The following NBPF15 variants were observed in gnomAD, a reference collection of about 807,000 sequenced individuals.
NBPF15 encodes the protein NBPF member 15.
A neutral mutation model predicts 62.2 loss-of-function variants in NBPF15; 74 were observed. That is an observed-to-expected ratio of 1.19 (90% confidence interval 0.99 to 1.44). The LOEUF (loss-of-function observed/expected upper bound fraction) is 1.44. Ranked by LOEUF, NBPF15 falls within the 40% of genes most tolerant of loss-of-function variation. NBPF15 has a pLI of 0.00. For missense variants in NBPF15, 790 were observed against 550.0 expected (o/e 1.44, Z -4.36); for synonymous variants, 244 against 209.7 (o/e 1.16, Z -1.41).
intron 14 of NBPF15, among the ~76,000 whole-genome samples, chr1:144,429,440 G>A (rs1553539903): frequency 6.6e-6 from 1 of 151,362 alleles, no homozygotes; most frequent in Non-Finnish European, 1.5e-5. Context: ...TGCCACACCT[G>A]CCTTGAGTTC....
At chr1:144,458,837 T>G (rs587654742) in intron 3 of NBPF15, among the ~76,000 whole-genome samples, 3 of 151,948 alleles carry the variant, frequency 2.0e-5, no homozygotes, top group Admixed American at 6.6e-5. Context: ...CCCAAGAGTT[T>G]GAGACCAACC....
At chr1:144,458,166 C>T (rs1388560210) in intron 3 of NBPF15, among the ~76,000 whole-genome samples, 1 of 152,002 alleles carries the variant, frequency 6.6e-6, no homozygotes, top group Non-Finnish European at 1.5e-5. Context: ...ATCACGTCGG[C>T]CCTTTAAATG....
intron 6 of NBPF15, among the ~76,000 whole-genome samples, chr1:144,440,965 G>A (rs1571139771): frequency 6.6e-6 from 1 of 151,944 alleles, no homozygotes; most frequent in East Asian, 1.9e-4. Context: ...ACCGCACCCG[G>A]CCGACTTCTC....
intron 6 of NBPF15, among the ~76,000 whole-genome samples, chr1:144,445,749 A>T (rs1351142291): frequency 4.0e-5 from 6 of 151,268 alleles, no homozygotes; most frequent in African/African-American, 1.5e-4. Flanking sequence ...CTTCTGATCC[A>T]TGACAAGGTT....
intron 17 of NBPF15, 90 bp from the exon 18 acceptor site, chr1:144,426,540 G>A: frequency 1.3e-6 from 1 of 751,466 alleles, no homozygotes; most frequent in South Asian, 1.4e-5. Flanking sequence ...ATAAGGAACT[G>A]TTTAAAAAGA....
intron 4 of NBPF15, among the ~76,000 whole-genome samples, chr1:144,453,304 C>A (rs1463930846): frequency 1.3e-5 from 2 of 151,566 alleles, no homozygotes; most frequent in African/African-American, 4.8e-5. Flanking sequence ...TAAATAAATC[C>A]AGGTATGCAT....
rs1670874235 is a variant in NBPF15 at position 144,427,804 on chromosome 1, A to G, written c.1213+14T>C. ...CTCAGTGGATCCTTATCACCTTCAT[A>G]GAAAGGTACTCACCATCCATGTCAA... On this transcript the variant is annotated intron_variant, in intron 16 of 21. Coordinates refer to ENST00000581897, the MANE Select transcript of NBPF15 (RefSeq NM_001385408.1). 1.5e-6 allele frequency: 1 copy of G among 688,286 alleles called. No individual in the cohort carries two copies. Among genetic ancestry groups the G allele is most frequent in the East Asian group, 2.6e-5 (1 of 38,206 alleles). 42.6% of individuals were successfully genotyped at this position (688,286 alleles called of 1,614,324 possible). A position where few individuals can be genotyped will look rare whatever the true frequency, so the allele number is the denominator to read the frequency against.
intron 4 of NBPF15, among the ~76,000 whole-genome samples, chr1:144,453,123 G>A (rs1692230158): frequency 6.8e-6 from 1 of 147,038 alleles, no homozygotes; most frequent in African/African-American, 2.5e-5. Flanking sequence ...TGAAGTTGGT[G>A]AAAAGAGAAA....
chr1:144,431,437 C>T (rs1320355788), intron 13 of NBPF15, among the ~76,000 whole-genome samples: 2 of 149,346 alleles, frequency 1.3e-5, no homozygotes, highest in African/African-American at 5.1e-5. Context: ...TTTTTTTTTC[C>T]ATATGTATAG....
In NBPF15 at chr1:144,435,085, T is replaced by A. The variant is rs7539274; in HGVS notation, c.772+26A>T. On this transcript the variant is annotated intron_variant, in intron 12 of 21. Transcript: ENST00000581897. Reference sequence around the variant, plus strand: ...ATCTTCCTCAGCCTAGAGAGAGGTATGAGACACAAGGAAAACAGAGGCTAC... The same window carrying A: ...ATCTTCCTCAGCCTAGAGAGAGGTAAGAGACACAAGGAAAACAGAGGCTAC... 85 of 1,611,924 alleles carry A rather than the reference T, an allele frequency of 5.3e-5. 1 individual carries two copies. The highest frequency in any genetic ancestry group is 6.8e-5 in the Non-Finnish European group (80 of 1,179,434).
intron 18 of NBPF15, 149 bp from the exon 19 acceptor site, chr1:144,425,717 T>C (rs2101636369): frequency 2.6e-6 from 1 of 382,354 alleles, no homozygotes; most frequent in South Asian, 2.2e-5. Flanking sequence ...GCCTGAAAGC[T>C]GGTCATGATA....
intron 15 of NBPF15, among the ~76,000 whole-genome samples, 187 bp downstream of exon 15, chr1:144,428,419 G>T (rs1405678400): frequency 2.6e-5 from 4 of 152,046 alleles, no homozygotes; most frequent in Non-Finnish European, 5.9e-5. Flanking sequence ...GTTAGTAAAT[G>T]ATAAGTGTAG....
At chr1:144,438,714 C>T (rs1259601930) in intron 8 of NBPF15, among the ~76,000 whole-genome samples, 1 of 151,956 alleles carries the variant, frequency 6.6e-6, no homozygotes, top group East Asian at 1.9e-4. Flanking sequence ...AGAAATAGCT[C>T]ATGTAATTCA....
chr1:144,451,211 G>A (rs1553545408), intron 4 of NBPF15, among the ~76,000 whole-genome samples: 1 of 151,778 alleles, frequency 6.6e-6, no homozygotes, highest in Non-Finnish European at 1.5e-5. Flanking sequence ...CTGTGCTTTT[G>A]ATGTGCATAT....
intron 8 of NBPF15, among the ~76,000 whole-genome samples, chr1:144,438,909 G>A (rs1435470886): frequency 6.6e-6 from 1 of 151,792 alleles, no homozygotes; most frequent in Non-Finnish European, 1.5e-5. Flanking sequence ...TTAGCAACAA[G>A]ACTCTGTGCC....
chr1:144,445,853 C>CTTTTTT (rs1229682742), intron 6 of NBPF15, among the ~76,000 whole-genome samples: 2 of 105,408 alleles, frequency 1.9e-5, no homozygotes, highest in Non-Finnish European at 3.9e-5. Flanking sequence ...GTTGACTTTC[C>CTTTTTT]TTTTTTTTTT....
intron 6 of NBPF15, among the ~76,000 whole-genome samples, chr1:144,442,115 TAA>T (rs1683391213): frequency 1.3e-5 from 1 of 75,364 alleles, no homozygotes; most frequent in East Asian, 3.9e-4. Context: ...TATATATATA[TAA>T]TATATATACA....
rs1650770891 is a variant in NBPF15, at chr1:144,459,445, T to C, written c.-780A>G. 1 of 151,992 alleles carries C rather than the reference T, an allele frequency of 6.6e-6. No individual in the cohort carries two copies. Among genetic ancestry groups the C allele is most frequent in the Non-Finnish European group, 1.5e-5 (1 of 68,044 alleles). The allele number at this position is 151,992 out of a possible 1,614,324, so 9.4% of individuals were successfully genotyped here. ...AGGTCAAGGTTGCGGTCAGCTGTGA[T>C]TGTGCCACTGCACTCCAGCCTGGGC... is the stretch of plus-strand genomic sequence containing the variant. On this transcript the variant is annotated 5_prime_UTR_variant, in exon 3 of 22. Coordinates refer to ENST00000581897, the MANE Select transcript of NBPF15 (RefSeq NM_001385408.1).
chr1:144,436,675 C>A (rs1432657328), intron 10 of NBPF15, among the ~76,000 whole-genome samples: 3 of 152,006 alleles, frequency 2.0e-5, no homozygotes, highest in Non-Finnish European at 2.9e-5. Context: ...CTCCAAAGAC[C>A]ACCTTCCATC....
Sources: allele counts gnomAD v4.1 joint callset (sites outside exome capture counted in the v4.1 genomes callset), GRCh38; gene constraint gnomAD v4.1.1; transcripts MANE v1.5; gene names NCBI Gene and HGNC (gene_info 2026-07-23, HGNC 2026-07-21).